The following OR2V2 variants were observed in gnomAD, a reference collection of about 807,000 sequenced individuals.
The protein encoded by OR2V2 is olfactory receptor 2V2.
For synonymous variants in OR2V2, 161 were observed against 151.3 expected (o/e 1.06, Z -0.47); for missense variants, 392 against 392.2 (o/e 1.00, Z 0.00).
chr5:181,147,695 C>T lies in OR2V2; in HGVS notation c.-325C>T, dbSNP rs1763139718. ...TGGGCTCAGGGCACTGCTCCTGGCT[C>T]CACCTCTCCTGCCAGCACCAGCTCC... On this transcript the variant is annotated 5_prime_UTR_variant, in exon 1 of 2. Coordinates refer to ENST00000641492, the MANE Select transcript of OR2V2 (RefSeq NM_206880.2). 2.6e-5 allele frequency: 8 copies of T among 312,260 alleles called. No homozygotes were observed. The South Asian group carries it at 4.8e-4, about 19-fold the overall frequency. 19.3% of individuals were successfully genotyped at this position (312,260 alleles called of 1,614,324 possible).
chr5:181,154,565 G>A (rs1025996096), intron 1 of OR2V2, among the ~76,000 whole-genome samples: 59 of 151,120 alleles, frequency 3.9e-4, no homozygotes, highest in Non-Finnish European at 6.8e-4. Flanking sequence ...ACTCCAGCCT[G>A]GGCGACTGAG....
chr5:181,151,925 C>T (rs142399756), intron 1 of OR2V2, among the ~76,000 whole-genome samples: 44 of 145,438 alleles, frequency 3.0e-4, no homozygotes, highest in African/African-American at 1.0e-3. Context: ...CTCAAGACTG[C>T]GGTGAGCTGA....
At position 181,158,834 on chromosome 5, in the gene OR2V2, C is replaced by T. The variant is rs1286234598; in HGVS notation, c.*2944C>T. 2 of 152,002 alleles carry T rather than the reference C, an allele frequency of 1.3e-5. No individual in the cohort carries two copies. Among genetic ancestry groups the T allele is most frequent in the South Asian group, 2.1e-4 (1 of 4,830 alleles). The allele number at this position is 152,002 out of a possible 1,614,324, so 9.4% of individuals were successfully genotyped here. A position where few individuals can be genotyped will look rare whatever the true frequency, so the allele number is the denominator to read the frequency against. ...TTTTTGCCAACTACCTTACCAAATC[C>T]TTTCCCATCAAGTTGTCTGTTCATT... is the stretch of plus-strand genomic sequence containing the variant. On this transcript the variant is annotated 3_prime_UTR_variant, in exon 2 of 2. Coordinates refer to ENST00000641492, the MANE Select transcript of OR2V2 (RefSeq NM_206880.2).
Position 181,147,961 on chromosome 5 carries a change from G to T in OR2V2, c.-59G>T, listed in dbSNP as rs1763144772. 1.0e-5 allele frequency: 4 copies of T among 398,250 alleles called. No individual in the cohort carries two copies. In the South Asian group the frequency reaches 5.1e-4, roughly 51 times the overall value. 24.7% of individuals were successfully genotyped at this position (398,250 alleles called of 1,614,324 possible). A position where few individuals can be genotyped will look rare whatever the true frequency, so the allele number is the denominator to read the frequency against. On this transcript the variant is annotated 5_prime_UTR_variant, in exon 1 of 2. Coordinates refer to ENST00000641492, the MANE Select transcript of OR2V2 (RefSeq NM_206880.2). ...TAGGAACTCCTCCACAGGTGACTCTGCTGAGTTTGTTCCCCTGCAGGGACC... is the reference window on the plus strand; with the variant it reads ...TAGGAACTCCTCCACAGGTGACTCTTCTGAGTTTGTTCCCCTGCAGGGACC...
intron 1 of OR2V2, among the ~76,000 whole-genome samples, chr5:181,148,876 CGGAGGTGAGGGCAAGGACCGAGGCCCTT>C (rs1456664229): frequency 1.3e-5 from 2 of 152,154 alleles, no homozygotes; most frequent in Admixed American, 1.3e-4. Flanking sequence ...GCCTTCTGCA[CGGAGGTGAGGGCAAGGACCGAGGCCCTT>C]GGATTGGCCT....
At chr5:181,150,724 C>T (rs1763180387) in intron 1 of OR2V2, among the ~76,000 whole-genome samples, 1 of 152,134 alleles carries the variant, frequency 6.6e-6, no homozygotes, top group African/African-American at 2.4e-5. Context: ...GCCTGGAATC[C>T]CAGCACTTTG....
At chr5:181,151,141 G>A (rs1462500629) in intron 1 of OR2V2, among the ~76,000 whole-genome samples, 2 of 152,026 alleles carry the variant, frequency 1.3e-5, no homozygotes, top group Non-Finnish European at 2.9e-5. Flanking sequence ...TAGACAAGTG[G>A]GGAAGATGCT....
rs1561631065 is a variant in OR2V2, at chr5:181,155,289, TG to T, written c.350del (p.Gly117AspfsTer21). ...CTTGTGGGATCTGAGGGGCTCTTGC[TG>T]GGACTCATGGCTTATGACCGCTATG... The part of the protein sequence containing the change: ...VCLVGSEGLL[L>X]GLMAYDRYVA... On this transcript the variant is annotated frameshift_variant, in exon 2 of 2. Transcript: ENST00000641492. LOFTEE classifies it low-confidence loss of function (END_TRUNC). The T allele has an allele frequency of 1.1e-5, 17 of 1,614,182 alleles. No individual in the cohort carries two copies. The highest frequency in any genetic ancestry group is 1.4e-5 in the Non-Finnish European group (17 of 1,180,024).
intron 1 of OR2V2, among the ~76,000 whole-genome samples, chr5:181,148,372 G>C (rs1051447390): frequency 1.3e-5 from 2 of 152,154 alleles, no homozygotes; most frequent in African/African-American, 4.8e-5. Flanking sequence ...TAGGAAGGAG[G>C]GGGCTGATGT....
intron 1 of OR2V2, among the ~76,000 whole-genome samples, chr5:181,154,079 G>A (rs1582196520): frequency 6.6e-6 from 1 of 152,108 alleles, no homozygotes; most frequent in Non-Finnish European, 1.5e-5. Flanking sequence ...CCTTTCTCAC[G>A]TGGGGCACAA....
intron 1 of OR2V2, among the ~76,000 whole-genome samples, chr5:181,149,963 G>T (rs1003115235): frequency 6.6e-6 from 1 of 152,236 alleles, no homozygotes; most frequent in Non-Finnish European, 1.5e-5. Flanking sequence ...CTCTGAACAC[G>T]GTAGTAGGGC....
chr5:181,150,335 G>A (rs181418783), intron 1 of OR2V2, among the ~76,000 whole-genome samples: 3 of 152,272 alleles, frequency 2.0e-5, no homozygotes, highest in East Asian at 3.9e-4. Context: ...TCTTTGCAGC[G>A]AGAAAAGTAC....
At chr5:181,154,872 TA>T in intron 1 of OR2V2, 46 bp from the exon 2 acceptor site, 1 of 1,033,150 alleles carries the variant, frequency 9.7e-7, no homozygotes, top group Non-Finnish European at 1.5e-6. Flanking sequence ...AGCAGAGGTC[TA>T]TAAAGAGATG....
Position 181,147,651 on chromosome 5 carries a change from G to A in OR2V2, c.-369G>A, listed in dbSNP as rs1006319360. Reference sequence around the variant, plus strand: ...CTGGCCAGAGCCAGGGTGTCCTGGAGGCAGGTGGGAATCCTGGGTGGGCTC... The same window carrying A: ...CTGGCCAGAGCCAGGGTGTCCTGGAAGCAGGTGGGAATCCTGGGTGGGCTC... On this transcript the variant is annotated 5_prime_UTR_variant, in exon 1 of 2. Transcript: ENST00000641492. 13 of 242,590 alleles carry A rather than the reference G, an allele frequency of 5.4e-5. 1 individual carries two copies. Among genetic ancestry groups the A allele is most frequent in the Admixed American group, 2.8e-4 (5 of 17,814 alleles). The allele number at this position is 242,590 out of a possible 1,614,324, so 15.0% of individuals were successfully genotyped here.
At chr5:181,152,681 T>A (rs1763207338) in intron 1 of OR2V2, among the ~76,000 whole-genome samples, 1 of 152,242 alleles carries the variant, frequency 6.6e-6, no homozygotes, top group African/African-American at 2.4e-5. Context: ...GCTGAAGGGA[T>A]GTGACTTCTG....
At position 181,158,122 on chromosome 5, in the gene OR2V2, C is replaced by T. The variant is rs1448412317; in HGVS notation, c.*2232C>T. ...AGGGAATTCCATTGAAAATTATCTA[C>T]TGAACGCCACTAGCACCCAGAAATG... On this transcript the variant is annotated 3_prime_UTR_variant, in exon 2 of 2. Transcript: ENST00000641492. 1 of 152,164 alleles carries T rather than the reference C, an allele frequency of 6.6e-6. No individual in the cohort carries two copies. The highest frequency in any genetic ancestry group is 2.4e-5 in the African/African-American group (1 of 41,420). 9.4% of individuals were successfully genotyped at this position (152,164 alleles called of 1,614,324 possible). A position where few individuals can be genotyped will look rare whatever the true frequency, so the allele number is the denominator to read the frequency against.
Position 181,155,754 on chromosome 5 carries a change from A to G in OR2V2, c.812A>G (p.His271Arg). The G allele has an allele frequency of 6.2e-7, 1 of 1,614,204 alleles. No individual in the cohort carries two copies. The highest frequency in any genetic ancestry group is 8.5e-7 in the Non-Finnish European group (1 of 1,180,038). ...CCTAGGCACTACCGGGCCCCCAGCC[A>G]TGACAAGGTGGCCTCTATCTTCTAC... ...LRPRHYRAPS[H>R]DKVASIFYTV... Residue 271 changes from histidine to arginine, a missense_variant, in exon 2 of 2, where the codon CAT becomes CGT. Transcript: ENST00000641492.
chr5:181,155,875 C>A lies in OR2V2; in HGVS notation c.933C>A (p.Ile311=), dbSNP rs528614420. Residue 311 remains isoleucine (I), a synonymous_variant, in exon 2 of 2, where the codon ATC becomes ATA. Coordinates refer to ENST00000641492, the MANE Select transcript of OR2V2 (RefSeq NM_206880.2). ...GGAAGGGGCTGGACCGCTGCAGGATCGGCAGCCAGCACTGAACCCAGGGCA... is the reference window on the plus strand; with the variant it reads ...GGAAGGGGCTGGACCGCTGCAGGATAGGCAGCCAGCACTGAACCCAGGGCA... ...ALRKGLDRCR[I]GSQH 6.2e-7 allele frequency: 1 copy of A among 1,612,884 alleles called. No homozygotes were observed. The highest frequency in any genetic ancestry group is 1.3e-5 in the African/African-American group (1 of 75,030).
intron 1 of OR2V2, among the ~76,000 whole-genome samples, chr5:181,150,046 T>C (rs1300174198): frequency 1.3e-5 from 2 of 152,224 alleles, no homozygotes; most frequent in East Asian, 1.9e-4. Flanking sequence ...TGCTGGTTGG[T>C]TGGGCCTCGG....
Sources: gnomAD v4.1 joint callset for allele counts (sites outside exome capture counted in the v4.1 genomes callset) on GRCh38, gnomAD v4.1.1 for gene constraint, MANE v1.5 for transcripts, NCBI Gene and HGNC (gene_info 2026-07-23, HGNC 2026-07-21) for gene names.